Variants in SYCE2 observed in about 807,000 individuals in gnomAD.
SYCE2 encodes the protein central element synaptonemal complex 1.
SYCE2 carries 3 observed loss-of-function variants against 27.9 expected under a neutral mutation model. The ratio of observed to expected loss-of-function variants is 0.11; its 90% CI spans 0.05 to 0.28. The LOEUF (loss-of-function observed/expected upper bound fraction) is 0.28, where lower values mean the gene tolerates loss of function less well. Among genes scored for constraint, SYCE2 ranks in the 10% least tolerant of loss-of-function variants. The pLI, the probability that SYCE2 is intolerant of heterozygous loss-of-function variation, is 1.00. For missense variants in SYCE2, 207 were observed against 263.5 expected (o/e 0.79, Z 1.48); for synonymous variants, 85 against 100.7 (o/e 0.84, Z 0.93).
chr19:12,919,036 A>G (rs572389895), intron 1 of SYCE2, among the ~76,000 whole-genome samples: 1 of 151,640 alleles, frequency 6.6e-6, no homozygotes, highest in Non-Finnish European at 1.5e-5. Flanking sequence ...GCCACGCGCC[A>G]TGTGTGGAAA....
chr19:12,918,474 G>A (rs1417332436), intron 1 of SYCE2, 137 bp from the exon 2 acceptor site: 2 of 750,074 alleles, frequency 2.7e-6, no homozygotes, highest in Admixed American at 2.2e-5. Flanking sequence ...GACGGGCAGG[G>A]CTGGGGCAGG....
intron 3 of SYCE2, 110 bp downstream of exon 3, chr19:12,904,380 CTG>C (rs569325366): frequency 0.013 from 16,498 of 1,279,768 alleles, 143 homozygotes; most frequent in Non-Finnish European, 0.017. Flanking sequence ...AGCTCCTGTG[CTG>C]TGTGTGAATG....
At chr19:12,899,639 G>A (rs960242173) in intron 5 of SYCE2, 7 of 1,612,500 alleles carry the variant, frequency 4.3e-6, no homozygotes, top group Non-Finnish European at 5.9e-6. Context: ...AAAGGGAGGT[G>A]GCGGATGGAG....
intron 2 of SYCE2, among the ~76,000 whole-genome samples, chr19:12,912,644 G>T (rs968244964): frequency 6.6e-6 from 1 of 152,102 alleles, no homozygotes; most frequent in Non-Finnish European, 1.5e-5. Context: ...AATTAAAATC[G>T]ATGAGAGCAC....
intron 2 of SYCE2, among the ~76,000 whole-genome samples, chr19:12,914,378 G>A (rs1214107058): frequency 1.3e-5 from 2 of 152,136 alleles, no homozygotes; most frequent in African/African-American, 4.8e-5. Context: ...TGCCAAGTTG[G>A]GAAGAGATGT....
rs1313959809 is a variant in SYCE2 at position 12,899,352 on chromosome 19, C to T, written c.646G>A (p.Gly216Ser). The change falls in exon 6 of 6, where the codon GGT becomes AGT. Residue 216 changes from glycine (G) to serine (S), a missense_variant. By Grantham distance (56) the Gly-to-Ser change is moderately conservative (BLOSUM62 0). Transcript: ENST00000293695. ...TASEVQTNRD[G>S]EC ...TCTCCCGGCAGCTGTCAGCATTCAC[C>T]ATCTCTGTTGGTCTGTACTTCTGAA... The T allele has an allele frequency of 1.2e-6, 2 of 1,613,936 alleles. No individual in the cohort carries two copies. The highest frequency in any genetic ancestry group is 1.7e-6 in the Non-Finnish European group (2 of 1,179,958).
Position 12,899,560 on chromosome 19 carries a change from CG to C in SYCE2, c.613-176del, listed in dbSNP as rs768284695. 8 of 1,613,924 alleles carry C rather than the reference CG, an allele frequency of 5.0e-6. No individual in the cohort carries two copies. The East Asian group carries it at 1.6e-4, about 31-fold the overall frequency. On this transcript the variant is annotated intron_variant, in intron 5 of 5. Coordinates refer to ENST00000293695, the MANE Select transcript of SYCE2 (RefSeq NM_001105578.2). ...CAAGTGAGCCGCTCCATCAGGGGCC[CG>C]AAACTCTCAAGCCCCTTTCTGGAGA...
chr19:12,904,426 A>G, intron 3 of SYCE2, 66 bp downstream of exon 3: 1 of 1,592,400 alleles, frequency 6.3e-7, no homozygotes, highest in South Asian at 1.1e-5. Context: ...AACAGACACC[A>G]TCAGTGGTTC....
chr19:12,901,042 G>A (rs1056796937), intron 3 of SYCE2, among the ~76,000 whole-genome samples: 12 of 152,058 alleles, frequency 7.9e-5, no homozygotes, highest in Admixed American at 2.0e-4. Context: ...GGTGGCGGGC[G>A]CCTGTAGTCC....
intron 2 of SYCE2, among the ~76,000 whole-genome samples, chr19:12,915,568 C>G (rs1290680336): frequency 3.4e-5 from 5 of 147,400 alleles, no homozygotes; most frequent in Non-Finnish European, 5.9e-5. Context: ...TGCCCCCTCA[C>G]TCCAGCCTGG....
chr19:12,918,392 C>A lies in SYCE2; in HGVS notation c.16-55G>T, dbSNP rs560492755. ...GAGGGAGGATGAGGAGTGAACAGAT[C>A]GCCCTCCTGCCGACCCTTCAACCCT... is the stretch of plus-strand genomic sequence containing the variant. On this transcript the variant is annotated intron_variant, in intron 1 of 5. Coordinates refer to ENST00000293695, the MANE Select transcript of SYCE2 (RefSeq NM_001105578.2). 1.4e-5 allele frequency: 22 copies of A among 1,523,828 alleles called. No homozygotes were observed. In the Admixed American group the frequency reaches 3.5e-4, roughly 25 times the overall value. 94.4% of individuals were successfully genotyped at this position (1,523,828 alleles called of 1,614,324 possible).
intron 2 of SYCE2, among the ~76,000 whole-genome samples, chr19:12,909,035 C>T (rs868333098): frequency 3.9e-5 from 6 of 152,214 alleles, no homozygotes; most frequent in Non-Finnish European, 8.8e-5. Context: ...TTCCCACCTA[C>T]GTCCTGTCTC....
intron 3 of SYCE2, among the ~76,000 whole-genome samples, chr19:12,901,409 G>A (rs904432766): frequency 1.3e-5 from 2 of 150,796 alleles, no homozygotes; most frequent in African/African-American, 2.4e-5. Context: ...CATAGGTGAC[G>A]CGCACTTGCA....
chr19:12,918,174 A>G (rs747476745), intron 2 of SYCE2, 48 bp downstream of exon 2: 6 of 1,492,142 alleles, frequency 4.0e-6, no homozygotes, highest in Admixed American at 1.7e-5. Context: ...GGTGAATGAG[A>G]GGGACCCAGG....
intron 2 of SYCE2, among the ~76,000 whole-genome samples, chr19:12,908,560 A>C (rs978377565): frequency 5.3e-5 from 8 of 151,826 alleles, no homozygotes; most frequent in Non-Finnish European, 8.8e-5. Context: ...TCGTGACCTC[A>C]TGATCTGCCC....
intron 5 of SYCE2, 188 bp from the exon 6 acceptor site, chr19:12,899,573 C>A: frequency 6.2e-7 from 1 of 1,613,952 alleles, no homozygotes; most frequent in Non-Finnish European, 8.5e-7. Flanking sequence ...AACTCTCAAG[C>A]CCCTTTCTGG....
At position 12,899,294 on chromosome 19, in the gene SYCE2, G is replaced by A. The variant is rs1282090268; in HGVS notation, c.*47C>T. The A allele has an allele frequency of 4.6e-6, 7 of 1,536,146 alleles. No individual in the cohort carries two copies. Among genetic ancestry groups the A allele is most frequent in the Non-Finnish European group, 6.3e-6 (7 of 1,109,064 alleles). ...GTGTGGCCCAAATGGTGGCCTCACA[G>A]TCTTCTCCTGGAGACTGTCACTAAG... On this transcript the variant is annotated 3_prime_UTR_variant, in exon 6 of 6. Transcript: ENST00000293695.
In SYCE2 at chr19:12,899,340, G is replaced by A; in HGVS notation, c.*1C>T. 6.2e-7 allele frequency: 1 copy of A among 1,613,764 alleles called. No homozygotes were observed. The highest frequency in any genetic ancestry group is 1.7e-5 in the Admixed American group (1 of 60,002). ...CTAAGGCGTGAGTCTCCCGGCAGCT[G>A]TCAGCATTCACCATCTCTGTTGGTC... On this transcript the variant is annotated 3_prime_UTR_variant, in exon 6 of 6. Coordinates refer to ENST00000293695, the MANE Select transcript of SYCE2 (RefSeq NM_001105578.2).
intron 2 of SYCE2, among the ~76,000 whole-genome samples, chr19:12,916,194 G>A (rs1050446603): frequency 6.6e-6 from 1 of 151,566 alleles, no homozygotes; most frequent in African/African-American, 2.4e-5. Flanking sequence ...CTCAGGCTCC[G>A]GAGTAGCTGG....
Sources: gnomAD v4.1 joint callset for allele counts (sites outside exome capture counted in the v4.1 genomes callset) on GRCh38, gnomAD v4.1.1 for gene constraint, MANE v1.5 for transcripts, NCBI Gene and HGNC (gene_info 2026-07-23, HGNC 2026-07-21) for gene names.